The following NRP1 variants were observed in gnomAD, a reference collection of about 807,000 sequenced individuals.
NRP1 encodes the protein neuropilin 1.
Under a neutral mutation model 106.7 loss-of-function variants are expected in NRP1, and 35 were observed. The ratio of observed to expected loss-of-function variants is 0.33; its 90% CI spans 0.25 to 0.43. The LOEUF (loss-of-function observed/expected upper bound fraction) is 0.43. Ranked by LOEUF, NRP1 falls within the 20% of genes least tolerant of loss-of-function variation. NRP1 has a pLI of 1.00. For synonymous variants in NRP1, 437 were observed against 417.9 expected (o/e 1.05, Z -0.56); for missense variants, 1,024 against 1,170.4 (o/e 0.87, Z 1.83).
At position 33,326,804 on chromosome 10, in the gene NRP1, CTT is replaced by C. The variant is rs1463562304; in HGVS notation, c.248+3902_248+3903del. Among the ~76,000 whole-genome samples the C allele has an allele frequency of 2.0e-5, 3 of 152,166 alleles. No homozygotes were observed. In the East Asian group the frequency reaches 5.8e-4, roughly 29 times the overall value. Reference sequence around the variant, plus strand: ...CCACCTTTGACAGCCACTGCAAAAACTTCACCATTTTGCAAAGTATGATCCAG... The same window carrying C: ...CCACCTTTGACAGCCACTGCAAAAACCACCATTTTGCAAAGTATGATCCAG... On this transcript the variant is annotated intron_variant, in intron 2 of 16. Transcript: ENST00000374867.
At chr10:33,305,508 T>C (rs996126909) in intron 2 of NRP1, among the ~76,000 whole-genome samples, 2 of 151,552 alleles carry the variant, frequency 1.3e-5, no homozygotes, top group Non-Finnish European at 2.9e-5. Context: ...TGAAGACAAG[T>C]GTGTTCAGTG....
At chr10:33,289,365 A>G (rs954046303) in intron 2 of NRP1, among the ~76,000 whole-genome samples, 27 of 152,212 alleles carry the variant, frequency 1.8e-4, no homozygotes, top group African/African-American at 5.8e-4. Flanking sequence ...CCTAACGCCT[A>G]TTAGTGATAA....
intron 2 of NRP1, among the ~76,000 whole-genome samples, chr10:33,297,789 G>A (rs1392888182): frequency 2.6e-5 from 4 of 151,864 alleles, no homozygotes; most frequent in South Asian, 2.1e-4. Context: ...CTGTCCTGAC[G>A]GCAGAGGGAG....
chr10:33,218,980 A>G (rs1432723795), intron 8 of NRP1, among the ~76,000 whole-genome samples: 1 of 152,218 alleles, frequency 6.6e-6, no homozygotes, highest in Non-Finnish European at 1.5e-5. Context: ...GGAATACTGT[A>G]GTCCTCCTTT....
intron 1 of NRP1, among the ~76,000 whole-genome samples, 195 bp from the exon 2 acceptor site, chr10:33,331,077 T>C (rs1386111483): frequency 6.6e-6 from 1 of 152,190 alleles, no homozygotes; most frequent in African/African-American, 2.4e-5. Flanking sequence ...GAAGGTTGAC[T>C]CAGGCAGAAA....
At chr10:33,195,740 G>T (rs933766183) in intron 12 of NRP1, among the ~76,000 whole-genome samples, 1 of 152,148 alleles carries the variant, frequency 6.6e-6, no homozygotes, top group African/African-American at 2.4e-5. Flanking sequence ...TTCCAGGAAG[G>T]TCAGACAGCC....
At chr10:33,274,688 G>GCA (rs1843556073) in intron 2 of NRP1, among the ~76,000 whole-genome samples, 2 of 152,120 alleles carry the variant, frequency 1.3e-5, no homozygotes, top group Non-Finnish European at 2.9e-5. Context: ...GACACTGTGA[G>GCA]CTACTGCACC....
chr10:33,331,146 A>C (rs1487851529), intron 1 of NRP1, among the ~76,000 whole-genome samples: 1 of 152,180 alleles, frequency 6.6e-6, no homozygotes, highest in Non-Finnish European at 1.5e-5. Flanking sequence ...CCTAAGGAAA[A>C]GGTCTTCTAG....
At chr10:33,268,406 A>T (rs1843071411) in intron 3 of NRP1, among the ~76,000 whole-genome samples, 2 of 152,144 alleles carry the variant, frequency 1.3e-5, no homozygotes, top group Non-Finnish European at 1.5e-5. Flanking sequence ...AGACCTTTGG[A>T]TGAAAATTAA....
chr10:33,232,345 A>G (rs1349951885), intron 6 of NRP1, among the ~76,000 whole-genome samples: 1 of 152,222 alleles, frequency 6.6e-6, no homozygotes, highest in Non-Finnish European at 1.5e-5. Flanking sequence ...CTTATTTTGA[A>G]AGAATATCAT....
chr10:33,238,728 G>C (rs1840770922), intron 6 of NRP1, among the ~76,000 whole-genome samples: 1 of 152,156 alleles, frequency 6.6e-6, no homozygotes, highest in South Asian at 2.1e-4. Context: ...AAGTTACTTA[G>C]TCCATTCAAG....
chr10:33,306,385 T>TGTGC (rs151172200), intron 2 of NRP1, among the ~76,000 whole-genome samples: 1 of 150,986 alleles, frequency 6.6e-6, no homozygotes, highest in Non-Finnish European at 1.5e-5. Flanking sequence ...TGTGTGTGTG[T>TGTGC]GCACGCTCCT....
intron 8 of NRP1, chr10:33,213,927 A>G (rs759910380): frequency 9.1e-6 from 5 of 548,822 alleles, no homozygotes; most frequent in Non-Finnish European, 9.6e-6. Context: ...ACATCCCAGT[A>G]AGGCAAATCT....
rs1479392299 is a variant in NRP1, at chr10:33,263,698, C to T, written c.606G>A (p.Gly202=). The T allele has an allele frequency of 6.2e-7, 1 of 1,613,998 alleles. No homozygotes were observed. The highest frequency in any genetic ancestry group is 8.5e-7 in the Non-Finnish European group (1 of 1,180,020). Residue 202 remains glycine, a synonymous_variant, in exon 4 of 17, where the codon GGG becomes GGA. Transcript: ENST00000374867. ...FDLEPDSNPP[G]GMFCRYDRLE... Reference sequence around the variant, plus strand: ...GCCGGTCGTAGCGACAGAACATCCCCCCTGGAGGATTTGAGTCAGGCTCCA... The same window carrying T: ...GCCGGTCGTAGCGACAGAACATCCCTCCTGGAGGATTTGAGTCAGGCTCCA...
chr10:33,193,950 A>C (rs1022226824), intron 12 of NRP1, among the ~76,000 whole-genome samples: 1 of 152,242 alleles, frequency 6.6e-6, no homozygotes, highest in South Asian at 2.1e-4. Flanking sequence ...AGACAGAGCC[A>C]GTTTGGGAAA....
intron 4 of NRP1, among the ~76,000 whole-genome samples, chr10:33,263,437 TA>T (rs1168858533): frequency 2.6e-5 from 4 of 152,226 alleles, no homozygotes; most frequent in African/African-American, 9.6e-5. Flanking sequence ...TTCTTATCTA[TA>T]AAATGAAGGA....
At chr10:33,324,069 A>G (rs1847718559) in intron 2 of NRP1, among the ~76,000 whole-genome samples, 1 of 152,216 alleles carries the variant, frequency 6.6e-6, no homozygotes, top group African/African-American at 2.4e-5. Context: ...AATGCCTAAC[A>G]CAAAACAACC....
At position 33,308,074 on chromosome 10, in the gene NRP1, A is replaced by G. The variant is rs1242425208; in HGVS notation, c.248+22634T>C. Among the ~76,000 whole-genome samples, 5 of 152,342 alleles carry G rather than the reference A, an allele frequency of 3.3e-5. No homozygotes were observed. The East Asian group carries it at 9.6e-4, about 29-fold the overall frequency. On this transcript the variant is annotated intron_variant, in intron 2 of 16. Transcript: ENST00000374867. ...GATCATGTCCTTTTCAGGAACATGGACGCAGCTGGAGGCCATCATCCTAAA... is the reference window on the plus strand; with the variant it reads ...GATCATGTCCTTTTCAGGAACATGGGCGCAGCTGGAGGCCATCATCCTAAA...
At chr10:33,257,364 C>A (rs1243086817) in intron 4 of NRP1, among the ~76,000 whole-genome samples, 1 of 152,134 alleles carries the variant, frequency 6.6e-6, no homozygotes, top group African/African-American at 2.4e-5. Flanking sequence ...TGGCTGAGTG[C>A]GGTGGCTCAC....
Sources: allele counts gnomAD v4.1 joint callset (sites outside exome capture counted in the v4.1 genomes callset), GRCh38; gene constraint gnomAD v4.1.1; transcripts MANE v1.5; gene names NCBI Gene and HGNC (gene_info 2026-07-23, HGNC 2026-07-21).